RAD51B: variants seen among roughly 807,000 people sequenced by gnomAD.
RAD51B encodes DNA repair protein RAD51 homolog 2.
RAD51B carries 38 observed loss-of-function variants against 42.2 expected under a neutral mutation model. The observed-to-expected ratio is 0.90, with a 90% CI of 0.70 to 1.18. RAD51B has a LOEUF of 1.18. Among genes scored for constraint, RAD51B ranks in the 50% most tolerant of loss-of-function variants. The probability of loss-of-function intolerance (pLI) is 0.00; values close to 1 mark genes in which losing one functional copy is unlikely to be tolerated. For synonymous variants in RAD51B, 154 were observed against 145.2 expected (o/e 1.06, Z -0.43); for missense variants, 373 against 400.7 (o/e 0.93, Z 0.59).
At chr14:68,156,342 A>G (rs973980511) in intron 7 of RAD51B, among the ~76,000 whole-genome samples, 1 of 152,084 alleles carries the variant, frequency 6.6e-6, no homozygotes, top group Non-Finnish European at 1.5e-5. Context: ...TTGCTATAAC[A>G]TTGTTATTCC....
chr14:68,513,639 A>G (rs1232367172), intron 10 of RAD51B, among the ~76,000 whole-genome samples: 1 of 152,150 alleles, frequency 6.6e-6, no homozygotes, highest in Non-Finnish European at 1.5e-5. Flanking sequence ...TACTTTGGAA[A>G]AGGCAGGCCA....
intron 7 of RAD51B, among the ~76,000 whole-genome samples, chr14:67,894,130 G>GTC (rs1178802798): frequency 6.6e-6 from 1 of 152,238 alleles, no homozygotes; most frequent in East Asian, 1.9e-4. Context: ...TCATAGGGCT[G>GTC]TGAGTATTAA....
intron 4 of RAD51B, among the ~76,000 whole-genome samples, chr14:67,860,424 C>T (rs913773734): frequency 2.6e-5 from 4 of 152,008 alleles, no homozygotes; most frequent in African/African-American, 7.2e-5. Flanking sequence ...CCTGGGATAA[C>T]GATAGTGTTT....
chr14:67,967,648 C>G (rs1024448269), intron 7 of RAD51B, among the ~76,000 whole-genome samples: 1 of 152,208 alleles, frequency 6.6e-6, no homozygotes, highest in Non-Finnish European at 1.5e-5. Flanking sequence ...TGTCTCACAT[C>G]CAAGTCATGC....
chr14:67,868,078 G>A (rs564703104), intron 5 of RAD51B, among the ~76,000 whole-genome samples: 13 of 152,170 alleles, frequency 8.5e-5, no homozygotes, highest in Non-Finnish European at 1.5e-4. Flanking sequence ...TAAAGAGGGA[G>A]GAGCCAAGAT....
At chr14:67,999,740 C>T (rs560212488) in intron 7 of RAD51B, among the ~76,000 whole-genome samples, 8 of 152,074 alleles carry the variant, frequency 5.3e-5, no homozygotes, top group African/African-American at 1.2e-4. Context: ...GTTTATTTCC[C>T]GTTAGAATAC....
At chr14:68,107,037 G>A (rs1245405621) in intron 7 of RAD51B, among the ~76,000 whole-genome samples, 1 of 151,786 alleles carries the variant, frequency 6.6e-6, no homozygotes, top group East Asian at 1.9e-4. Flanking sequence ...ATTCCAGTCT[G>A]TACTTTGCTC....
intron 7 of RAD51B, among the ~76,000 whole-genome samples, chr14:68,201,048 C>G (rs2079474705): frequency 6.6e-6 from 1 of 152,102 alleles, no homozygotes; most frequent in Non-Finnish European, 1.5e-5. Context: ...CGAAAGTAGT[C>G]CTGATTGCTT....
At chr14:67,854,914 A>G (rs1040252937) in intron 4 of RAD51B, among the ~76,000 whole-genome samples, 2 of 152,132 alleles carry the variant, frequency 1.3e-5, no homozygotes, top group East Asian at 1.9e-4. Flanking sequence ...GCAGTGGGCT[A>G]TGCTTGTGCC....
At chr14:68,170,649 A>G in intron 7 of RAD51B, among the ~76,000 whole-genome samples, 1 of 152,216 alleles carries the variant, frequency 6.6e-6, no homozygotes, top group South Asian at 2.1e-4. Flanking sequence ...TATGGTTTTT[A>G]TATAGTATTT....
chr14:68,392,554 A>G (rs1327513783), intron 8 of RAD51B, among the ~76,000 whole-genome samples: 1 of 152,218 alleles, frequency 6.6e-6, no homozygotes, highest in East Asian at 1.9e-4. Flanking sequence ...AGTGGATGAC[A>G]TAGGGCACTC....
rs142728004 is a variant in RAD51B, at chr14:68,656,869, G to A, written c.*11+6013G>A. 1.3e-3 allele frequency among the ~76,000 whole-genome samples: 199 copies of A among 152,284 alleles called. 4 individuals carry two copies. In the East Asian group the frequency reaches 0.032, roughly 24 times the overall value. The stretch of plus-strand genomic sequence containing the variant: ...TCCACACTGTTCCCATTCACTATGC[G>A]GGATCAAGAACTACCACCCTCTCTT... On this transcript the variant is annotated intron_variant, in intron 11 of 11. Coordinates refer to the RAD51B transcript ENST00000488612.
Position 67,840,431 on chromosome 14 carries a change from G to A in RAD51B, c.315+5235G>A, listed in dbSNP as rs184671913. ...AATTCACTTAGGATAATGACCAAGAGCTGCATCCATGTTGCTGCAAAGGAC... is the reference window on the plus strand; with the variant it reads ...AATTCACTTAGGATAATGACCAAGAACTGCATCCATGTTGCTGCAAAGGAC... On this transcript the variant is annotated intron_variant, in intron 4 of 10. Coordinates refer to ENST00000471583, the MANE Select transcript of RAD51B (RefSeq NM_133510.4). Among the ~76,000 whole-genome samples, 20 of 152,282 alleles carry A rather than the reference G, an allele frequency of 1.3e-4. No individual in the cohort carries two copies. In the East Asian group the frequency reaches 3.5e-3, roughly 26 times the overall value.
intron 10 of RAD51B, among the ~76,000 whole-genome samples, chr14:68,572,231 G>A (rs1889743609): frequency 6.6e-6 from 1 of 152,216 alleles, no homozygotes; most frequent in African/African-American, 2.4e-5. Flanking sequence ...TCCGCTAAGT[G>A]TCTATTGGTC....
chr14:68,245,358 G>T (rs1201525172), intron 7 of RAD51B, among the ~76,000 whole-genome samples: 1 of 152,214 alleles, frequency 6.6e-6, no homozygotes, highest in African/African-American at 2.4e-5. Flanking sequence ...GTAACACATG[G>T]AAGTGGTGCC....
rs189561167 is a variant in RAD51B at position 68,378,870 on chromosome 14, T to C, written c.854-32554T>C. On this transcript the variant is annotated intron_variant, in intron 8 of 10. Coordinates refer to ENST00000471583, the MANE Select transcript of RAD51B (RefSeq NM_133510.4). ...TCTCATATACATTATCTCTTGATTT[T>C]CACTGCAGTCTTGTCTAATAAATGA... 4.6e-5 allele frequency among the ~76,000 whole-genome samples: 7 copies of C among 152,320 alleles called. No individual in the cohort carries two copies. In the East Asian group the frequency reaches 1.3e-3, roughly 29 times the overall value.
intron 8 of RAD51B, among the ~76,000 whole-genome samples, chr14:68,376,511 T>A: frequency 6.6e-6 from 1 of 152,244 alleles, no homozygotes; most frequent in South Asian, 2.1e-4. Flanking sequence ...CAGCCTTTCC[T>A]AATGGTCTGA....
At chr14:68,356,120 T>C (rs1305413182) in intron 8 of RAD51B, among the ~76,000 whole-genome samples, 1 of 152,108 alleles carries the variant, frequency 6.6e-6, no homozygotes, top group Admixed American at 6.5e-5. Flanking sequence ...AATACATTTT[T>C]TGGTTTCCCA....
intron 4 of RAD51B, among the ~76,000 whole-genome samples, chr14:67,860,464 T>C (rs1379230571): frequency 6.6e-6 from 1 of 152,230 alleles, no homozygotes; most frequent in Non-Finnish European, 1.5e-5. Flanking sequence ...GTTGCATACA[T>C]GTATGCACTT....
Sources: gnomAD v4.1 joint callset for allele counts (sites outside exome capture counted in the v4.1 genomes callset) on GRCh38, gnomAD v4.1.1 for gene constraint, MANE v1.5 for transcripts, NCBI Gene and HGNC (gene_info 2026-07-23, HGNC 2026-07-21) for gene names.